DLST: variants seen among roughly 807,000 people sequenced by gnomAD.
DLST encodes the protein dihydrolipoamide S-succinyltransferase.
Under a neutral mutation model 53.1 loss-of-function variants are expected in DLST, and 17 were observed. The ratio of observed to expected loss-of-function variants is 0.32; its 90% CI spans 0.22 to 0.48. The LOEUF is 0.48. Ranked by LOEUF, DLST falls within the 20% of genes least tolerant of loss-of-function variation. The pLI, the probability that DLST is intolerant of heterozygous loss-of-function variation, is 0.99. For missense variants in DLST, 512 were observed against 583.9 expected (o/e 0.88, Z 1.27); for synonymous variants, 206 against 204.8 (o/e 1.01, Z -0.05).
At chr14:74,888,065 C>T (rs908330079) in intron 3 of DLST, among the ~76,000 whole-genome samples, 2 of 152,184 alleles carry the variant, frequency 1.3e-5, no homozygotes, top group East Asian at 3.8e-4. Flanking sequence ...TCTCACCCCT[C>T]AGAGGTAACC....
In DLST at chr14:74,893,393, G is replaced by C; in HGVS notation, c.641G>C (p.Gly214Ala). ...PTVAPPLAEPGAGKGLRSEHR... is the reference protein window; with the variant it reads ...PTVAPPLAEPAAGKGLRSEHR... ...GTTGCCCCACCACTAGCTGAGCCAGGAGCTGGCAAAGGTCTGCGTTCAGAA... is the reference window on the plus strand; with the variant it reads ...GTTGCCCCACCACTAGCTGAGCCAGCAGCTGGCAAAGGTCTGCGTTCAGAA... Residue 214 changes from glycine (G) to alanine (A), a missense_variant, in exon 9 of 15, where the codon GGA (glycine) becomes GCA (alanine). Gly to Ala is a moderately conservative substitution (Grantham distance 60). Transcript: ENST00000334220. 1 of 1,614,200 alleles carries C rather than the reference G, an allele frequency of 6.2e-7. No homozygotes were observed. Among genetic ancestry groups the C allele is most frequent in the African/African-American group, 1.3e-5 (1 of 75,052 alleles).
At position 74,889,118 on chromosome 14, in the gene DLST, T is replaced by C; in HGVS notation, c.170T>C (p.Val57Ala). 2 of 1,614,234 alleles carry C rather than the reference T, an allele frequency of 1.2e-6. No individual in the cohort carries two copies. The highest frequency in any genetic ancestry group is 1.7e-6 in the Non-Finnish European group (2 of 1,180,042). Reference sequence around the variant, plus strand: ...AGCATTAACAACAGTGTCTTCAGTGTTCGCTTTTTCAGAACTACAGCTGTA... The same window carrying C: ...AGCATTAACAACAGTGTCTTCAGTGCTCGCTTTTTCAGAACTACAGCTGTA... ...KVVINNSVFS[V>A]RFFRTTAVCK... The change falls in exon 4 of 15, where the codon GTT (valine) becomes GCT (alanine). Residue 57 changes from valine (V) to alanine (A), a missense_variant. Physicochemically the swap from Val to Ala is moderately conservative, Grantham distance 64. This residue lies in a region of DLST where 129 missense variants were observed against 90.9 expected (regional missense o/e 1.42). Transcript: ENST00000334220.
Position 74,900,348 on chromosome 14 carries a change from G to T in DLST, c.1035G>T (p.Arg345=). 6.2e-7 allele frequency: 1 copy of T among 1,613,910 alleles called. No homozygotes were observed. Among genetic ancestry groups the T allele is most frequent in the South Asian group, 1.1e-5 (1 of 91,048 alleles). ...VEAMNFADIE[R]TITELGEKAR... ...CTATGAATTTTGCAGATATTGAACG[G>T]ACCATCACTGAACTGGGAGAGAAGG... is the stretch of plus-strand genomic sequence containing the variant. The change falls in exon 13 of 15, where the codon CGG becomes CGT. Residue 345 remains arginine, a synonymous_variant. Transcript: ENST00000334220.
At chr14:74,893,244 A>G in intron 8 of DLST, 104 bp from the exon 9 acceptor site, 1 of 1,329,292 alleles carries the variant, frequency 7.5e-7, no homozygotes. Context: ...TATACCTCAG[A>G]ATATCTTGAA....
Position 74,891,183 on chromosome 14 carries a change from T to G in DLST, c.442+16T>G, listed in dbSNP as rs750125058. ...AAAACTGGTGGTAAAGAAGTTCTCC[T>G]GGTGGTCAAGGTCTCCAGTGTTCCC... On this transcript the variant is annotated intron_variant, in intron 7 of 14. Transcript: ENST00000334220. 6 of 1,613,894 alleles carry G rather than the reference T, an allele frequency of 3.7e-6. No individual in the cohort carries two copies. The Admixed American group carries it at 1.0e-4, about 27-fold the overall frequency.
Position 74,894,395 on chromosome 14 carries a change from T to C in DLST, c.756T>C (p.Asn252=), listed in dbSNP as rs781765510. The C allele has an allele frequency of 1.9e-6, 3 of 1,614,046 alleles. No individual in the cohort carries two copies. The highest frequency in any genetic ancestry group is 3.3e-5 in the Admixed American group (2 of 60,002). ...CATGTGCAATGCTGACAACTTTTAA[T>C]GAGATTGACATGAGGTAGTGTCTCT... ...QNTCAMLTTF[N]EIDMSNIQEM... is the part of the protein sequence containing the mutation. The change falls in exon 10 of 15, where the codon AAT becomes AAC. Residue 252 remains asparagine, a synonymous_variant. Transcript: ENST00000334220.
At chr14:74,897,050 A>G (rs1226762211) in intron 10 of DLST, among the ~76,000 whole-genome samples, 4 of 152,352 alleles carry the variant, frequency 2.6e-5, no homozygotes, top group Admixed American at 2.0e-4. Context: ...GCTCTGAAAT[A>G]GAAGCTACTT....
intron 9 of DLST, among the ~76,000 whole-genome samples, chr14:74,894,075 C>T (rs1883997107): frequency 6.6e-6 from 1 of 152,108 alleles, no homozygotes; most frequent in Admixed American, 6.6e-5. Flanking sequence ...TGTTTCTGAG[C>T]CTTCATTCTT....
chr14:74,891,884 T>A (rs1276851915), intron 7 of DLST: 1 of 984,530 alleles, frequency 1.0e-6, no homozygotes. Context: ...GTAGAAAACA[T>A]GTATGGTAGA....
chr14:74,887,274 G>T (rs1883739915), intron 3 of DLST, among the ~76,000 whole-genome samples: 1 of 152,102 alleles, frequency 6.6e-6, no homozygotes, highest in African/African-American at 2.4e-5. Context: ...TGATCCCATT[G>T]TAAGTATTCT....
intron 10 of DLST, among the ~76,000 whole-genome samples, chr14:74,895,009 C>T (rs1342434784): frequency 6.6e-6 from 1 of 152,074 alleles, no homozygotes; most frequent in Non-Finnish European, 1.5e-5. Context: ...AGGCGGATTG[C>T]TTGAGTCCAG....
chr14:74,899,024 ACACTTCTC>A (rs1460382756), intron 11 of DLST, among the ~76,000 whole-genome samples: 1 of 152,112 alleles, frequency 6.6e-6, no homozygotes, highest in Non-Finnish European at 1.5e-5. Flanking sequence ...TCCTGTTGAC[ACACTTCTC>A]TGTTCCTTGG....
chr14:74,900,438 C>G, intron 13 of DLST, 66 bp downstream of exon 13: 1 of 1,446,432 alleles, frequency 6.9e-7, no homozygotes, highest in South Asian at 1.2e-5. Flanking sequence ...GAAGGCTGGG[C>G]TCACTAGCAA....
intron 2 of DLST, among the ~76,000 whole-genome samples, chr14:74,883,345 C>G (rs957709154): frequency 1.3e-5 from 2 of 149,528 alleles, no homozygotes; most frequent in African/African-American, 2.5e-5. Context: ...ACGGAGCTAA[C>G]CCAGTGAAGC....
rs75492359 is a variant in DLST at position 74,885,180 on chromosome 14, T to C, written c.98-406T>C. Among the ~76,000 whole-genome samples the C allele has an allele frequency of 7.0e-4, 106 of 152,342 alleles. 13 individuals are homozygous for C. In the East Asian group the frequency reaches 0.02, roughly 29 times the overall value. On this transcript the variant is annotated intron_variant, in intron 2 of 14. Coordinates refer to ENST00000334220, the MANE Select transcript of DLST (RefSeq NM_001933.5). ...CCTCCTTGCTTCTCAAATTGGGTTATGTATAGTCACAGGATAAGCCATCCC... is the reference window on the plus strand; with the variant it reads ...CCTCCTTGCTTCTCAAATTGGGTTACGTATAGTCACAGGATAAGCCATCCC...
At position 74,891,741 on chromosome 14, in the gene DLST, A is replaced by G. The variant is rs759413767; in HGVS notation, c.442+574A>G. 5.1e-5 allele frequency: 50 copies of G among 984,790 alleles called. No homozygotes were observed. In the South Asian group the frequency reaches 6.6e-4, roughly 13 times the overall value. 61.0% of individuals were successfully genotyped at this position (984,790 alleles called of 1,614,324 possible). A position where few individuals can be genotyped will look rare whatever the true frequency, so the allele number is the denominator to read the frequency against. ...AAATTTTATAACCACTAAAAAGTCT[A>G]TTTCTTTTTCCTAAGCGAGAATCGT... On this transcript the variant is annotated intron_variant, in intron 7 of 14. Coordinates refer to ENST00000334220, the MANE Select transcript of DLST (RefSeq NM_001933.5).
At chr14:74,900,144 C>A in intron 12 of DLST, 145 bp from the exon 13 acceptor site, 1 of 1,076,788 alleles carries the variant, frequency 9.3e-7, no homozygotes, top group Non-Finnish European at 1.4e-6. Flanking sequence ...TTAAACCATG[C>A]CGCATTCTTT....
At chr14:74,882,402 G>A (rs1342265932) in intron 1 of DLST, among the ~76,000 whole-genome samples, 189 bp from the exon 2 acceptor site, 6 of 152,210 alleles carry the variant, frequency 3.9e-5, no homozygotes, top group African/African-American at 1.4e-4. Context: ...GTCCCGTTGG[G>A]AAGTTGAGAT....
intron 10 of DLST, among the ~76,000 whole-genome samples, chr14:74,896,537 G>T (rs1884082255): frequency 6.6e-6 from 1 of 152,204 alleles, no homozygotes; most frequent in Non-Finnish European, 1.5e-5. Flanking sequence ...TTTCTTGATA[G>T]TGCGCTGTGG....
Sources: allele counts gnomAD v4.1 joint callset (sites outside exome capture counted in the v4.1 genomes callset), GRCh38; gene constraint gnomAD v4.1.1; regional missense constraint gnomAD v4.1.1; transcripts MANE v1.5; gene names NCBI Gene and HGNC (gene_info 2026-07-23, HGNC 2026-07-21).